Variants in ARSB observed in about 807,000 individuals in gnomAD.
The protein encoded by ARSB is N-acetylgalactosamine-4-sulfatase.
In ARSB, 41 loss-of-function variants were observed where a neutral mutation model predicts 50.9. The ratio of observed to expected loss-of-function variants is 0.81; its 90% confidence interval spans 0.63 to 1.04. The LOEUF is 1.04. Among genes scored for constraint, ARSB ranks in the 50% least tolerant of loss-of-function variants. ARSB has a pLI of 0.00. For synonymous variants in ARSB, 269 were observed against 284.8 expected (o/e 0.94, Z 0.56); for missense variants, 672 against 693.3 (o/e 0.97, Z 0.35).
At chr5:78,985,454 G>A (rs1356109304), upstream of ARSB, 1 of 365,996 alleles carries the variant, frequency 2.7e-6, no homozygotes, top group Non-Finnish European at 4.5e-6. Context: ...AGCCAGAGAC[G>A]AACCCGCGGG....
chr5:78,900,135 C>G (rs1313188492), intron 4 of ARSB, among the ~76,000 whole-genome samples: 1 of 152,064 alleles, frequency 6.6e-6, no homozygotes, highest in Non-Finnish European at 1.5e-5. Context: ...TAGGCAGGAA[C>G]CCCTAGTCAG....
intron 1 of ARSB, among the ~76,000 whole-genome samples, chr5:78,980,904 T>C (rs1252931649): frequency 6.6e-6 from 1 of 151,938 alleles, no homozygotes; most frequent in Non-Finnish European, 1.5e-5. Flanking sequence ...GGAAGGCCCC[T>C]AGCCTGAGTG....
Position 78,914,627 on chromosome 5 carries a change from C to G in ARSB, c.899-28800G>C, listed in dbSNP as rs1203331163. On this transcript the variant is annotated intron_variant, in intron 4 of 7. Coordinates refer to ENST00000264914, the MANE Select transcript of ARSB (RefSeq NM_000046.5). ...TCAGAATGGAGCAGCCCAACAAATACTCAGAGCCATCAGATGATGCCAAGG... is the reference window on the plus strand; with the variant it reads ...TCAGAATGGAGCAGCCCAACAAATAGTCAGAGCCATCAGATGATGCCAAGG... Among the ~76,000 whole-genome samples the G allele has an allele frequency of 4.6e-5, 7 of 152,170 alleles. No homozygotes were observed. In the East Asian group the frequency reaches 9.6e-4, roughly 21 times the overall value.
intron 3 of ARSB, 45 bp downstream of exon 3, chr5:78,964,371 T>A (rs769213220): frequency 6.4e-7 from 1 of 1,562,356 alleles, no homozygotes; most frequent in South Asian, 1.1e-5. Flanking sequence ...GAAAAGACAT[T>A]AGTGTAACAA....
chr5:78,910,853 A>G (rs1224756918), intron 4 of ARSB, among the ~76,000 whole-genome samples: 1 of 152,240 alleles, frequency 6.6e-6, no homozygotes, highest in Admixed American at 6.5e-5. Flanking sequence ...CTTCTGGTCC[A>G]GAAAGGGGCC....
intron 2 of ARSB, among the ~76,000 whole-genome samples, chr5:78,964,967 TA>T (rs1752144992): frequency 6.6e-6 from 1 of 152,236 alleles, no homozygotes; most frequent in African/African-American, 2.4e-5. Context: ...TACAGGTTTT[TA>T]CTCTAAGGTG....
At chr5:78,862,146 C>T (rs1358933289) in intron 5 of ARSB, among the ~76,000 whole-genome samples, 1 of 152,168 alleles carries the variant, frequency 6.6e-6, no homozygotes, top group Non-Finnish European at 1.5e-5. Context: ...ACATTCCATG[C>T]TCATGGATAG....
Position 78,928,155 on chromosome 5 carries a change from C to G in ARSB, c.898+27140G>C, listed in dbSNP as rs945815608. ...ATGATGGGTCCAAAGGGCCTGGGACCTGAAGAGGGCTGTCTAACAGCCAAG... is the reference window on the plus strand; with the variant it reads ...ATGATGGGTCCAAAGGGCCTGGGACGTGAAGAGGGCTGTCTAACAGCCAAG... On this transcript the variant is annotated intron_variant, in intron 4 of 7. Transcript: ENST00000264914. 1.3e-4 allele frequency among the ~76,000 whole-genome samples: 20 copies of G among 152,160 alleles called. No individual in the cohort carries two copies. The East Asian group carries it at 3.9e-3, about 29-fold the overall frequency.
intron 6 of ARSB, among the ~76,000 whole-genome samples, chr5:78,834,607 G>GTATATATATATATATATA (rs58773415): frequency 3.5e-5 from 3 of 85,644 alleles, no homozygotes; most frequent in Admixed American, 1.4e-4. Context: ...ATATATATGT[G>GTATATATATATATATATA]TATATATATA....
At chr5:78,936,089 G>A (rs530472218) in intron 4 of ARSB, among the ~76,000 whole-genome samples, 9 of 73,926 alleles carry the variant, frequency 1.2e-4, no homozygotes, top group East Asian at 4.8e-4. Flanking sequence ...CTTCCTCCCC[G>A]CCTCTCTCTC....
At chr5:78,984,604 A>C (rs1580168235) in intron 1 of ARSB, among the ~76,000 whole-genome samples, 1 of 152,040 alleles carries the variant, frequency 6.6e-6, no homozygotes, top group Non-Finnish European at 1.5e-5. Flanking sequence ...CCACCTCAGG[A>C]CCGCTCCGCC....
In ARSB at chr5:78,778,777, C is replaced by G. The variant is rs895147155; in HGVS notation, c.*1620G>C. The G allele has an allele frequency of 1.3e-5, 2 of 152,224 alleles. No individual in the cohort carries two copies. Among genetic ancestry groups the G allele is most frequent in the African/African-American group, 4.8e-5 (2 of 41,446 alleles). The allele number at this position is 152,224 out of a possible 1,614,324, so 9.4% of individuals were successfully genotyped here. A position where few individuals can be genotyped will look rare whatever the true frequency, so the allele number is the denominator to read the frequency against. ...GTGACTCATGCCTGTAATCCCAGCA[C>G]TTTTGGAGCCCAAGCTGGGATAATT... On this transcript the variant is annotated 3_prime_UTR_variant, in exon 8 of 8. Transcript: ENST00000264914.
At chr5:78,958,943 G>C (rs1751860170) in intron 3 of ARSB, among the ~76,000 whole-genome samples, 3 of 150,994 alleles carry the variant, frequency 2.0e-5, no homozygotes, top group Admixed American at 1.3e-4. Context: ...TATGCATTAA[G>C]CCTTGTACAG....
rs1390008938 is a variant in ARSB, at chr5:78,777,613, G to T, written c.*2784C>A. 6.6e-6 allele frequency: 1 copy of T among 152,558 alleles called. No homozygotes were observed. The allele number at this position is 152,558 out of a possible 1,614,324, so 9.5% of individuals were successfully genotyped here. A position where few individuals can be genotyped will look rare whatever the true frequency, so the allele number is the denominator to read the frequency against. On this transcript the variant is annotated 3_prime_UTR_variant, in exon 8 of 8. Coordinates refer to ENST00000264914, the MANE Select transcript of ARSB (RefSeq NM_000046.5). Reference sequence around the variant, plus strand: ...CACACCTGTAATCCCAGTGCTTTGGGAAGCTGAAGTGGGTGGATCACTTGA... The same window carrying T: ...CACACCTGTAATCCCAGTGCTTTGGTAAGCTGAAGTGGGTGGATCACTTGA...
At chr5:78,879,997 C>T (rs1581085177) in intron 5 of ARSB, among the ~76,000 whole-genome samples, 1 of 152,126 alleles carries the variant, frequency 6.6e-6, no homozygotes, top group South Asian at 2.1e-4. Flanking sequence ...AAAAAGAAAG[C>T]CCATTATCTC....
At chr5:78,875,042 G>A (rs575120780) in intron 5 of ARSB, among the ~76,000 whole-genome samples, 1 of 152,194 alleles carries the variant, frequency 6.6e-6, no homozygotes, top group African/African-American at 2.4e-5. Context: ...GAGCCCAGGA[G>A]GCAGAAGTTG....
intron 6 of ARSB, among the ~76,000 whole-genome samples, chr5:78,834,605 G>GTATATATATATATATA (rs1339499167): frequency 1.5e-5 from 1 of 65,262 alleles, no homozygotes; most frequent in African/African-American, 6.0e-5. Flanking sequence ...GTATATATAT[G>GTATATATATATATATA]TGTATATATA....
At chr5:78,877,667 G>A (rs1245196703) in intron 5 of ARSB, among the ~76,000 whole-genome samples, 1 of 152,172 alleles carries the variant, frequency 6.6e-6, no homozygotes, top group African/African-American at 2.4e-5. Context: ...GGGATTACAG[G>A]TGTGAGCCAC....
intron 5 of ARSB, among the ~76,000 whole-genome samples, chr5:78,845,825 T>A (rs561610533): frequency 6.6e-6 from 1 of 152,200 alleles, no homozygotes; most frequent in African/African-American, 2.4e-5. Context: ...TCTCCCATTA[T>A]GCAGGCTGTC....
Sources: gnomAD v4.1 joint callset for allele counts (sites outside exome capture counted in the v4.1 genomes callset) on GRCh38, gnomAD v4.1.1 for gene constraint, MANE v1.5 for transcripts, NCBI Gene and HGNC (gene_info 2026-07-23, HGNC 2026-07-21) for gene names.